The following DCAF6 variants were observed in gnomAD, a reference collection of about 807,000 sequenced individuals.
The protein encoded by DCAF6 is DDB1 and CUL4 associated factor 6.
A neutral mutation model predicts 125.1 loss-of-function variants in DCAF6; 54 were observed. That is an observed-to-expected ratio of 0.43 (90% confidence interval 0.35 to 0.54). The LOEUF (loss-of-function observed/expected upper bound fraction) is 0.54. Among genes scored for constraint, DCAF6 ranks in the 20% least tolerant of loss-of-function variants. DCAF6 has a pLI of 0.01. For missense variants in DCAF6, 934 were observed against 1,161.7 expected (o/e 0.80, Z 2.85); for synonymous variants, 371 against 390.4 (o/e 0.95, Z 0.58).
At chr1:167,993,081 G>A in intron 6 of DCAF6, 145 bp from the exon 7 acceptor site, 2 of 730,090 alleles carry the variant, frequency 2.7e-6, no homozygotes, top group South Asian at 4.3e-5. Flanking sequence ...GACTGCAGAG[G>A]AAGAACCTCT....
intron 21 of DCAF6, among the ~76,000 whole-genome samples, chr1:168,072,180 C>A (rs1029638961): frequency 6.6e-6 from 1 of 151,118 alleles, no homozygotes; most frequent in African/African-American, 2.4e-5. Context: ...GCCTGTAGTC[C>A]CAGCTACTTG....
intron 3 of DCAF6, among the ~76,000 whole-genome samples, chr1:167,973,082 G>A (rs1031966618): frequency 1.3e-5 from 2 of 152,202 alleles, no homozygotes; most frequent in African/African-American, 4.8e-5. Context: ...TGTGTAGTTA[G>A]CTACTTGGTA....
At chr1:167,972,016 C>A (rs570407388) in intron 3 of DCAF6, among the ~76,000 whole-genome samples, 1 of 152,116 alleles carries the variant, frequency 6.6e-6, no homozygotes, top group South Asian at 2.1e-4. Flanking sequence ...CCACCATACC[C>A]GGCTAATTTT....
intron 12 of DCAF6, among the ~76,000 whole-genome samples, chr1:168,036,850 A>G (rs921403287): frequency 2.0e-5 from 3 of 152,228 alleles, no homozygotes; most frequent in African/African-American, 7.2e-5. Flanking sequence ...ATCATAACAA[A>G]AATAGTACAG....
At chr1:168,036,967 G>A (rs1687894452) in intron 12 of DCAF6, among the ~76,000 whole-genome samples, 1 of 152,110 alleles carries the variant, frequency 6.6e-6, no homozygotes, top group Admixed American at 6.5e-5. Flanking sequence ...TTAAGACAGA[G>A]GAATTGATAC....
intron 1 of DCAF6, among the ~76,000 whole-genome samples, chr1:167,945,425 A>G (rs1672913974): frequency 6.6e-6 from 1 of 151,746 alleles, no homozygotes; most frequent in Admixed American, 6.6e-5. Flanking sequence ...CCTTGTAGGG[A>G]TTTTACCTCT....
At chr1:167,945,311 A>G (rs1185677357) in intron 1 of DCAF6, among the ~76,000 whole-genome samples, 2 of 152,138 alleles carry the variant, frequency 1.3e-5, no homozygotes, top group African/African-American at 4.8e-5. Flanking sequence ...GCTGCTTTGT[A>G]CAGTATGGTC....
At chr1:167,904,886 C>G in the DCAF6 span, 1 of 1,473,796 alleles carries the variant, frequency 6.8e-7, no homozygotes, top group Non-Finnish European at 9.5e-7. Flanking sequence ...TGTGACAGCC[C>G]AAGGGCTCCA....
intron 7 of DCAF6, among the ~76,000 whole-genome samples, chr1:167,996,735 A>G (rs142887118): frequency 3.2e-3 from 486 of 152,294 alleles, no homozygotes; most frequent in Admixed American, 5.2e-3. Context: ...CTCTAACCAC[A>G]TCTACTTGCT....
In DCAF6 at chr1:168,004,537, A is replaced by T. The variant is rs1683078910; in HGVS notation, c.1122A>T (p.Gly374=). 6.2e-7 allele frequency: 1 copy of T among 1,612,708 alleles called. No homozygotes were observed. Among genetic ancestry groups the T allele is most frequent in the East Asian group, 2.2e-5 (1 of 44,880 alleles). ...GCCTTAACATGTGTTTTGAAGGTGG[A>T]ACAAGTCAATCAGATATTTCAACTC... ...RGRGRSRPRG[G]TSQSDISTLP... The change falls in exon 10 of 22, where the codon GGA becomes GGT. Residue 374 remains glycine (G), a synonymous_variant. Coordinates refer to ENST00000367840, the MANE Select transcript of DCAF6 (RefSeq NM_001198956.2).
chr1:167,880,645 A>T, the DCAF6 span: 4 of 1,501,032 alleles, frequency 2.7e-6, no homozygotes, highest in Non-Finnish European at 3.7e-6. Context: ...CAGCTGATGG[A>T]CAGTGTGCTT....
the DCAF6 span, among the ~76,000 whole-genome samples, chr1:167,925,474 T>TATATATATAC: frequency 9.3e-5 from 9 of 96,816 alleles, no homozygotes; most frequent in East Asian, 3.1e-4. Context: ...TATATATATA[T>TATATATATAC]ACATATACAT....
intron 21 of DCAF6, among the ~76,000 whole-genome samples, chr1:168,068,879 G>A (rs1692693513): frequency 6.6e-6 from 1 of 152,092 alleles, no homozygotes; most frequent in South Asian, 2.1e-4. Flanking sequence ...AAACTGTGAG[G>A]TGCAGTGCCA....
intron 2 of DCAF6, among the ~76,000 whole-genome samples, chr1:167,966,200 G>C (rs1294633698): frequency 6.6e-6 from 1 of 152,144 alleles, no homozygotes; most frequent in Non-Finnish European, 1.5e-5. Flanking sequence ...TTTGTTGTTA[G>C]TATGGAGTGG....
At chr1:167,869,613 A>G in the DCAF6 span, among the ~76,000 whole-genome samples, 28 of 152,148 alleles carry the variant, frequency 1.8e-4, no homozygotes, top group African/African-American at 6.5e-4. Context: ...TGTTATCTAT[A>G]GATTCCACAC....
intron 12 of DCAF6, among the ~76,000 whole-genome samples, chr1:168,034,540 G>GT (rs1687555950): frequency 6.6e-6 from 1 of 152,134 alleles, no homozygotes; most frequent in Non-Finnish European, 1.5e-5. Flanking sequence ...GGAAAAGTCC[G>GT]TAACTAGAGA....
Position 167,967,298 on chromosome 1 carries a change from A to G in DCAF6, c.252+577A>G, listed in dbSNP as rs376982929. On this transcript the variant is annotated intron_variant, in intron 3 of 21. Transcript: ENST00000367840. ...GGTTTCAATGAAGAAAAAAATTACC[A>G]TAAGCTAATAAACTCCCTCACTAGA... 5.3e-5 allele frequency among the ~76,000 whole-genome samples: 8 copies of G among 152,204 alleles called. No individual in the cohort carries two copies. In the South Asian group the frequency reaches 6.2e-4, roughly 12 times the overall value.
At chr1:168,069,357 ATTCT>A (rs1558056822) in intron 21 of DCAF6, among the ~76,000 whole-genome samples, 2 of 152,186 alleles carry the variant, frequency 1.3e-5, no homozygotes, top group East Asian at 3.8e-4. Context: ...GATTTACAGC[ATTCT>A]TTTCTTCTGT....
the DCAF6 span, among the ~76,000 whole-genome samples, chr1:167,870,764 C>T: frequency 3.3e-5 from 5 of 150,704 alleles, no homozygotes; most frequent in Admixed American, 2.0e-4. Context: ...AGCCGGGATC[C>T]TGCCATTGCA....
Sources: allele counts gnomAD v4.1 joint callset (sites outside exome capture counted in the v4.1 genomes callset), GRCh38; gene constraint gnomAD v4.1.1; transcripts MANE v1.5; gene names NCBI Gene and HGNC (gene_info 2026-07-23, HGNC 2026-07-21).